The following RALGAPA1 variants were observed in gnomAD, a reference collection of about 807,000 sequenced individuals.
The protein encoded by RALGAPA1 is ral GTPase-activating protein subunit alpha-1.
RALGAPA1 carries 52 observed loss-of-function variants against 269.6 expected under a neutral mutation model. The ratio of observed to expected loss-of-function variants is 0.19; its 90% CI spans 0.15 to 0.24. The LOEUF is 0.24. Ranked by LOEUF, RALGAPA1 falls within the 10% of genes least tolerant of loss-of-function variation. RALGAPA1 has a pLI of 1.00. For synonymous variants in RALGAPA1, 817 were observed against 1,008.3 expected (o/e 0.81, Z 3.60); for missense variants, 1,917 against 3,013.9 (o/e 0.64, Z 8.52).
At chr14:35,799,391 G>A (rs1489057002) in intron 1 of RALGAPA1, among the ~76,000 whole-genome samples, 6 of 151,932 alleles carry the variant, frequency 3.9e-5, no homozygotes, top group Admixed American at 2.6e-4. Flanking sequence ...GGGAAACCCT[G>A]TCTCTACTAA....
chr14:35,596,958 T>C (rs1229552535), intron 36 of RALGAPA1, among the ~76,000 whole-genome samples: 1 of 152,144 alleles, frequency 6.6e-6, no homozygotes, highest in African/African-American at 2.4e-5. Flanking sequence ...GGAATTAATA[T>C]ACCTTGAAAA....
intron 16 of RALGAPA1, among the ~76,000 whole-genome samples, chr14:35,717,441 C>T (rs942598101): frequency 7.2e-5 from 11 of 152,044 alleles, no homozygotes; most frequent in African/African-American, 1.7e-4. Context: ...TGAGCCACTG[C>T]GCCCAGCCTA....
chr14:35,711,441 T>C (rs138252797), intron 16 of RALGAPA1, among the ~76,000 whole-genome samples: 2 of 152,324 alleles, frequency 1.3e-5, no homozygotes, highest in East Asian at 3.9e-4. Context: ...CATTAACAAC[T>C]AATCCAAGTC....
At chr14:35,629,101 T>C (rs1278989486) in intron 33 of RALGAPA1, among the ~76,000 whole-genome samples, 1 of 152,104 alleles carries the variant, frequency 6.6e-6, no homozygotes, top group African/African-American at 2.4e-5. Flanking sequence ...ACCGCCATTC[T>C]AAGGAGGGCT....
In RALGAPA1 at chr14:35,686,597, A is replaced by G; in HGVS notation, c.4022T>C (p.Val1341Ala). 6.2e-7 allele frequency: 1 copy of G among 1,610,248 alleles called. No homozygotes were observed. Among genetic ancestry groups the G allele is most frequent in the Non-Finnish European group, 8.5e-7 (1 of 1,178,674 alleles). Reference protein sequence around the residue: ...NSDIGGSSANVPDLMDEFIAE... With the variant: ...NSDIGGSSANAPDLMDEFIAE... ...TATAAACTCATCCATCAGATCAGGA[A>G]CATTAGCACTGCTGCCGCCAATATC... Residue 1341 changes from valine to alanine, a missense_variant, in exon 19 of 42, where the codon GTT (valine) becomes GCT (alanine). Val to Ala is a moderately conservative substitution (Grantham distance 64). Around this residue, in one of 11 missense-constraint regions of RALGAPA1, gnomAD observed 615 missense variants for 790.0 expected, o/e 0.78. Coordinates refer to ENST00000680220, the MANE Select transcript of RALGAPA1 (RefSeq NM_001346249.2).
chr14:35,651,567 A>T (rs973970429), intron 31 of RALGAPA1, among the ~76,000 whole-genome samples: 40 of 152,226 alleles, frequency 2.6e-4, no homozygotes, highest in African/African-American at 9.2e-4. Context: ...AGAGGTGGAC[A>T]GAATGTCCTC....
chr14:35,803,843 C>T (rs569315036), intron 1 of RALGAPA1, among the ~76,000 whole-genome samples: 2 of 150,902 alleles, frequency 1.3e-5, no homozygotes, highest in Non-Finnish European at 2.9e-5. Context: ...AGGCTGGTCT[C>T]GAACTCCTGA....
intron 32 of RALGAPA1, 102 bp downstream of exon 32, chr14:35,635,362 T>C: frequency 1.6e-6 from 2 of 1,289,716 alleles, no homozygotes; most frequent in Middle Eastern, 5.8e-4. Flanking sequence ...CTTAGAAATT[T>C]TCTAGCTCTA....
rs373630930 is a variant in RALGAPA1 at position 35,719,917 on chromosome 14, AT to A, written c.2266+1770del. The stretch of plus-strand genomic sequence containing the variant: ...AGGCACATGCCACCATGCCTGGCTA[AT>A]TTTTTTTGTATTTTTACTACAGACG... On this transcript the variant is annotated intron_variant, in intron 16 of 41. Coordinates refer to ENST00000680220, the MANE Select transcript of RALGAPA1 (RefSeq NM_001346249.2). 2.6e-5 allele frequency among the ~76,000 whole-genome samples: 4 copies of A among 151,776 alleles called. No homozygotes were observed. The East Asian group carries it at 7.8e-4, about 29-fold the overall frequency.
At chr14:35,780,829 C>T (rs748753935) in intron 1 of RALGAPA1, among the ~76,000 whole-genome samples, 31 of 152,260 alleles carry the variant, frequency 2.0e-4, no homozygotes, top group Middle Eastern at 3.4e-3. Context: ...CGTTGGTTCA[C>T]GCCTGTAATC....
chr14:35,652,931 G>A (rs996745767), intron 30 of RALGAPA1, among the ~76,000 whole-genome samples: 1 of 152,060 alleles, frequency 6.6e-6, no homozygotes, highest in Admixed American at 6.5e-5. Flanking sequence ...TAGCTGTATT[G>A]TATGCTATTA....
chr14:35,718,863 A>G (rs2069106371), intron 16 of RALGAPA1, among the ~76,000 whole-genome samples: 1 of 150,028 alleles, frequency 6.7e-6, no homozygotes, highest in Non-Finnish European at 1.5e-5. Flanking sequence ...TTTTGGAAAC[A>G]GGGTCTCACT....
intron 41 of RALGAPA1, among the ~76,000 whole-genome samples, chr14:35,540,996 A>G (rs1156229713): frequency 6.6e-6 from 1 of 150,750 alleles, no homozygotes; most frequent in African/African-American, 2.5e-5. Context: ...GATCCTATTG[A>G]GATGTCTTAA....
At chr14:35,647,515 T>G (rs1048093743) in intron 31 of RALGAPA1, among the ~76,000 whole-genome samples, 4 of 152,214 alleles carry the variant, frequency 2.6e-5, no homozygotes, top group African/African-American at 9.7e-5. Flanking sequence ...TTTGTCCATA[T>G]GTAGTGTGCC....
chr14:35,621,548 A>C (rs1317699318), intron 35 of RALGAPA1, among the ~76,000 whole-genome samples: 1 of 152,202 alleles, frequency 6.6e-6, no homozygotes, highest in East Asian at 1.9e-4. Flanking sequence ...CTGCACAACA[A>C]AAGAAACTGT....
chr14:35,630,740 A>G (rs922663555), intron 33 of RALGAPA1, among the ~76,000 whole-genome samples: 1 of 152,212 alleles, frequency 6.6e-6, no homozygotes, highest in African/African-American at 2.4e-5. Flanking sequence ...ACCAAAAAAT[A>G]CAAAAATTAG....
intron 11 of RALGAPA1, among the ~76,000 whole-genome samples, chr14:35,741,627 T>C (rs1282041112): frequency 6.6e-6 from 1 of 152,202 alleles, no homozygotes; most frequent in Non-Finnish European, 1.5e-5. Context: ...TTTAGCAAGA[T>C]ATGTATCAAT....
Position 35,628,548 on chromosome 14 carries a change from T to G in RALGAPA1, c.5996-597A>C, listed in dbSNP as rs550082617. Among the ~76,000 whole-genome samples the G allele has an allele frequency of 4.1e-4, 63 of 152,318 alleles. 1 individual carries two copies. Among genetic ancestry groups the G allele is most frequent in the Middle Eastern group, 6.8e-3 (2 of 294 alleles). On this transcript the variant is annotated intron_variant, in intron 33 of 41. Transcript: ENST00000680220. ...CTGATAAGTTTCTTATCTCCATTAA[T>G]AGATTCCAGATTCAGAGACAGTTTG...
intron 1 of RALGAPA1, among the ~76,000 whole-genome samples, chr14:35,795,307 C>T (rs796869115): frequency 9.2e-5 from 14 of 152,068 alleles, no homozygotes; most frequent in African/African-American, 3.4e-4. Flanking sequence ...AGAGTTCACA[C>T]GACACAGCAC....
Sources: gnomAD v4.1 joint callset for allele counts (sites outside exome capture counted in the v4.1 genomes callset) on GRCh38, gnomAD v4.1.1 for gene constraint, gnomAD v4.1.1 regional missense constraint, MANE v1.5 for transcripts, NCBI Gene and HGNC (gene_info 2026-07-23, HGNC 2026-07-21) for gene names.